CLCNKA: variants seen among roughly 807,000 people sequenced by gnomAD.
CLCNKA encodes chloride voltage-gated channel Ka.
CLCNKA carries 66 observed loss-of-function variants against 83.3 expected under a neutral mutation model. The observed-to-expected ratio is 0.79, with a 90% CI of 0.65 to 0.97. The LOEUF (loss-of-function observed/expected upper bound fraction) is 0.97. Ranked by LOEUF, CLCNKA falls within the 50% of genes least tolerant of loss-of-function variation. CLCNKA has a pLI of 0.00. For synonymous variants in CLCNKA, 357 were observed against 370.4 expected (o/e 0.96, Z 0.42); for missense variants, 806 against 888.7 (o/e 0.91, Z 1.18).
Position 16,030,519 on chromosome 1 carries a change from T to G in CLCNKA, c.1467T>G (p.Phe489Leu). 2 of 1,613,094 alleles carry G rather than the reference T, an allele frequency of 1.2e-6. No homozygotes were observed. Among genetic ancestry groups the G allele is most frequent in the Middle Eastern group, 1.7e-4 (1 of 6,038 alleles). Residue 489 changes from phenylalanine (F) to leucine (L), a missense_variant, in exon 15 of 20, where the codon TTT becomes TTG. Phe to Leu is a conservative substitution (Grantham distance 22, BLOSUM62 0). Coordinates refer to ENST00000331433, the MANE Select transcript of CLCNKA (RefSeq NM_004070.4). ...THTISTALLA[F>L]ELTGQIVHAL... is the part of the protein sequence containing the mutation. ...CCATCTCCACGGCGCTGCTGGCCTTTGAGCTGACCGGCCAGATAGTGCATG... is the reference window on the plus strand; with the variant it reads ...CCATCTCCACGGCGCTGCTGGCCTTGGAGCTGACCGGCCAGATAGTGCATG...
In CLCNKA at chr1:16,029,968, C is replaced by G; in HGVS notation, c.1301C>G (p.Ala434Gly). 1.2e-6 allele frequency: 2 copies of G among 1,610,696 alleles called. No homozygotes were observed. The highest frequency in any genetic ancestry group is 1.7e-6 in the Non-Finnish European group (2 of 1,177,164). Reference protein sequence around the residue: ...GYFMPIFILGAAIGRLLGEAL... With the variant: ...GYFMPIFILGGAIGRLLGEAL... ...CTCACCCTAAGTCTGTGGCCAGGAG[C>G]TGCCATCGGGCGCCTCTTGGGAGAG... Residue 434 changes from alanine to glycine, a missense_variant, in exon 14 of 20, where the codon GCT becomes GGT. Transcript: ENST00000331433.
rs935736106 is a variant in CLCNKA, at chr1:16,029,044, C to T, written c.1054-82C>T. ...GGAAGTGGCAGGGGAGGATTCCAGG[C>T]GGGGTCAGGCGGTGCGGGGGAGGCT... On this transcript the variant is annotated intron_variant, in intron 11 of 19. Coordinates refer to ENST00000331433, the MANE Select transcript of CLCNKA (RefSeq NM_004070.4). 101 of 1,559,152 alleles carry T rather than the reference C, an allele frequency of 6.5e-5. 1 individual carries two copies. The highest frequency in any genetic ancestry group is 5.4e-4 in the South Asian group (48 of 88,274).
chr1:16,027,497 C>G, intron 8 of CLCNKA, 62 bp downstream of exon 8: 1 of 1,603,930 alleles, frequency 6.2e-7, no homozygotes, highest in Non-Finnish European at 8.5e-7. Flanking sequence ...GGAGACCTCC[C>G]TTCTCCTCTG....
rs781144732 is a variant in CLCNKA, at chr1:16,032,481, G to A, written c.1884G>A (p.Thr628=). The change falls in exon 18 of 20, where the codon ACG becomes ACA. Residue 628 remains threonine (T), a synonymous_variant. Transcript: ENST00000331433. ...LQDILARGCP[T]EPVTLTLFSE... is the part of the protein sequence containing the mutation. ...ACATCTTGGCCAGGGGCTGCCCCACGGAACCAGTGACCCTGACGCTATTCT... is the reference window on the plus strand; with the variant it reads ...ACATCTTGGCCAGGGGCTGCCCCACAGAACCAGTGACCCTGACGCTATTCT... 2.5e-5 allele frequency: 40 copies of A among 1,613,192 alleles called. No individual in the cohort carries two copies. Among genetic ancestry groups the A allele is most frequent in the Non-Finnish European group, 2.9e-5 (34 of 1,179,956 alleles).
At position 16,027,400 on chromosome 1, in the gene CLCNKA, T is replaced by C; in HGVS notation, c.746T>C (p.Ile249Thr). 1 of 1,614,094 alleles carries C rather than the reference T, an allele frequency of 6.2e-7. No homozygotes were observed. Among genetic ancestry groups the C allele is most frequent in the South Asian group, 1.1e-5 (1 of 91,090 alleles). Residue 249 changes from isoleucine to threonine, a missense_variant, in exon 8 of 20, where the codon ATA becomes ACA. Transcript: ENST00000331433. Reference sequence around the variant, plus strand: ...TTTGCGGCCACCTGCGGGGCCTTCATATTCCGGCTCCTGGCAGTCTTCAAC... The same window carrying C: ...TTTGCGGCCACCTGCGGGGCCTTCACATTCCGGCTCCTGGCAGTCTTCAAC... ...GFFAATCGAF[I>T]FRLLAVFNSE...
At chr1:16,024,993 A>G in intron 4 of CLCNKA, 102 bp downstream of exon 4, 1 of 1,490,748 alleles carries the variant, frequency 6.7e-7, no homozygotes, top group South Asian at 1.1e-5. Flanking sequence ...TCATTTCTCA[A>G]GCCCAGAAGA....
chr1:16,033,095 G>C, intron 18 of CLCNKA, 75 bp from the exon 19 acceptor site: 2 of 1,473,756 alleles, frequency 1.4e-6, no homozygotes, highest in South Asian at 1.1e-5. Context: ...CTGGCTCAGA[G>C]GCGTGGCAGA....
At position 16,033,381 on chromosome 1, in the gene CLCNKA, G is replaced by A. The variant is rs1210551127; in HGVS notation, c.2016+125G>A. ...CTGGGGGGATTCAGAGGATACTTAT[G>A]AGTCCCTCTTTCTGGCCCAGATTGG... On this transcript the variant is annotated intron_variant, in intron 19 of 19. Transcript: ENST00000331433. 5.0e-6 allele frequency: 6 copies of A among 1,197,512 alleles called. No individual in the cohort carries two copies. In the East Asian group the frequency reaches 9.3e-5, roughly 19 times the overall value. 74.2% of individuals were successfully genotyped at this position (1,197,512 alleles called of 1,614,324 possible).
At chr1:16,027,084 C>T (rs978055337) in intron 7 of CLCNKA, among the ~76,000 whole-genome samples, 1 of 152,216 alleles carries the variant, frequency 6.6e-6, no homozygotes, top group African/African-American at 2.4e-5. Flanking sequence ...CCGTTCCCAC[C>T]CGATAGGGAG....
Position 16,033,464 on chromosome 1 carries a change from G to C in CLCNKA, c.2017-147G>C, listed in dbSNP as rs72474561. 1,820 of 912,406 alleles carry C rather than the reference G, an allele frequency of 2.0e-3. 5 individuals are homozygous for C. Among genetic ancestry groups the C allele is most frequent in the Non-Finnish European group, 2.8e-3 (1,586 of 575,682 alleles). The allele number at this position is 912,406 out of a possible 1,614,324, so 56.5% of individuals were successfully genotyped here. On this transcript the variant is annotated intron_variant, in intron 19 of 19. Coordinates refer to ENST00000331433, the MANE Select transcript of CLCNKA (RefSeq NM_004070.4). ...GGCCAGTGGCCAGCCTGCCCTTCTC[G>C]GCCTCAGTGATCCCATCTGTGCAAT... is the stretch of plus-strand genomic sequence containing the variant.
intron 4 of CLCNKA, 77 bp downstream of exon 4, chr1:16,024,968 CG>C (rs1188548310): frequency 6.3e-7 from 1 of 1,579,108 alleles, no homozygotes; most frequent in Non-Finnish European, 8.7e-7. Flanking sequence ...TGGGGGGAAT[CG>C]GGAAGCTGCA....
At chr1:16,028,534 G>A (rs546939516) in intron 10 of CLCNKA, 47 of 680,910 alleles carry the variant, frequency 6.9e-5, no homozygotes, top group Admixed American at 5.1e-4. Flanking sequence ...AATCTCCTGC[G>A]TGATTCCTCT....
chr1:16,025,409 A>C (rs2022307086), intron 4 of CLCNKA, among the ~76,000 whole-genome samples: 1 of 152,236 alleles, frequency 6.6e-6, no homozygotes, highest in Non-Finnish European at 1.5e-5. Flanking sequence ...GCAGTGACTC[A>C]GTCTATAATC....
chr1:16,032,590 C>T, intron 18 of CLCNKA, 64 bp downstream of exon 18: 1 of 1,281,208 alleles, frequency 7.8e-7, no homozygotes, highest in Non-Finnish European at 1.1e-6. Flanking sequence ...TGATGAGGAG[C>T]TCAGGCTCCA....
At chr1:16,029,685 T>A in intron 12 of CLCNKA, 46 bp from the exon 13 acceptor site, 1 of 1,609,238 alleles carries the variant, frequency 6.2e-7, no homozygotes, top group South Asian at 1.1e-5. Flanking sequence ...GTCCACACCT[T>A]GCCCAGCGGC....
At chr1:16,027,497 C>T in intron 8 of CLCNKA, 62 bp downstream of exon 8, 1 of 1,603,930 alleles carries the variant, frequency 6.2e-7, no homozygotes. Flanking sequence ...GGAGACCTCC[C>T]TTCTCCTCTG....
In CLCNKA at chr1:16,026,792, G is replaced by C. The variant is rs749089655; in HGVS notation, c.655+17G>C. 83 of 1,604,326 alleles carry C rather than the reference G, an allele frequency of 5.2e-5. No homozygotes were observed. Among genetic ancestry groups the C allele is most frequent in the Non-Finnish European group, 6.7e-5 (79 of 1,171,276 alleles). ...CCTTCAGCGGTGAGACCCCCCTCAT[G>C]CCCCGCCCCCTGGGTCCCTCAAGCT... On this transcript the variant is annotated intron_variant, in intron 7 of 19. Transcript: ENST00000331433.
chr1:16,022,238 C>T (rs1056811810), intron 1 of CLCNKA, among the ~76,000 whole-genome samples, 175 bp downstream of exon 1: 9 of 151,990 alleles, frequency 5.9e-5, no homozygotes, highest in East Asian at 1.9e-4. Flanking sequence ...GAGGGTGCTC[C>T]GAGATTGGCA....
Position 16,030,207 on chromosome 1 carries a change from G to A in CLCNKA, c.1408+132G>A, listed in dbSNP as rs34292424. 61,547 of 757,810 alleles carry A rather than the reference G, an allele frequency of 0.081. 3,026 individuals are homozygous for A. The highest frequency in any genetic ancestry group is 0.092 in the Non-Finnish European group (41,712 of 454,970). 46.9% of individuals were successfully genotyped at this position (757,810 alleles called of 1,614,324 possible). A position where few individuals can be genotyped will look rare whatever the true frequency, so the allele number is the denominator to read the frequency against. ...AGTGAACCCCCTACCCCTCATGGGG[G>A]TCTGTCCCTCCTGAGCCCCACCATT... is the stretch of plus-strand genomic sequence containing the variant. On this transcript the variant is annotated intron_variant, in intron 14 of 19. Coordinates refer to ENST00000331433, the MANE Select transcript of CLCNKA (RefSeq NM_004070.4).
Sources: gnomAD v4.1 joint callset for allele counts (sites outside exome capture counted in the v4.1 genomes callset) on GRCh38, gnomAD v4.1.1 for gene constraint, MANE v1.5 for transcripts, NCBI Gene and HGNC (gene_info 2026-07-23, HGNC 2026-07-21) for gene names.